XYLT2: variants seen among roughly 807,000 people sequenced by gnomAD.
The protein encoded by XYLT2 is xylosyltransferase 2.
XYLT2 carries 37 observed loss-of-function variants against 82.6 expected under a neutral mutation model. The observed-to-expected ratio is 0.45, with a 90% CI of 0.34 to 0.59. The LOEUF is 0.59. XYLT2 is among the 20% of genes least tolerant of loss of function. XYLT2 has a pLI of 0.01. For synonymous variants in XYLT2, 474 were observed against 499.0 expected, an observed-to-expected ratio of 0.95 and a Z score of 0.67; for missense variants, 934 against 1,181.3, an observed-to-expected ratio of 0.79 and a Z score of 3.07.
At chr17:50,357,486 C>A (rs1359602644) in intron 9 of XYLT2, 3 of 479,260 alleles carry the variant, frequency 6.3e-6, no homozygotes, top group African/African-American at 6.0e-5. Flanking sequence ...TTATCAGTTC[C>A]ACTACAACAC....
chr17:50,350,938 G>A (rs960805100), intron 1 of XYLT2, among the ~76,000 whole-genome samples: 21 of 152,066 alleles, frequency 1.4e-4, no homozygotes, highest in African/African-American at 4.1e-4. Context: ...TGCCAGGGGG[G>A]ATGAGGGGAC....
In XYLT2 at chr17:50,353,623, CTT is replaced by C; in HGVS notation, c.136-6_136-5del. On this transcript the variant is annotated splice_polypyrimidine_tract_variant and splice_region_variant and intron_variant, in intron 1 of 10. Coordinates refer to ENST00000017003, the MANE Select transcript of XYLT2 (RefSeq NM_022167.4). Reference sequence around the variant, plus strand: ...GCCCCAGTGATGTGTCTGCATCTCTCTTACAGAAAGGAAGGCAGAGGAAGCCA... The same window carrying C: ...GCCCCAGTGATGTGTCTGCATCTCTCACAGAAAGGAAGGCAGAGGAAGCCA... 6.4e-7 allele frequency: 1 copy of C among 1,559,796 alleles called. No homozygotes were observed. The highest frequency in any genetic ancestry group is 8.7e-7 in the Non-Finnish European group (1 of 1,151,540).
At chr17:50,347,831 G>A (rs1567803126) in intron 1 of XYLT2, among the ~76,000 whole-genome samples, 1 of 152,232 alleles carries the variant, frequency 6.6e-6, no homozygotes, top group African/African-American at 2.4e-5. Flanking sequence ...TGCATGGGAA[G>A]GTGAGTGCTG....
chr17:50,356,982 G>GA, intron 8 of XYLT2, 75 bp from the exon 9 acceptor site: 1 of 1,516,574 alleles, frequency 6.6e-7, no homozygotes, highest in East Asian at 2.3e-5. Flanking sequence ...GGACTCCCCA[G>GA]AGCCCCCTCC....
chr17:50,359,554 G>A (rs559737119), intron 10 of XYLT2: 6 of 167,154 alleles, frequency 3.6e-5, no homozygotes, highest in African/African-American at 7.1e-5. Flanking sequence ...CAGGGGCTGC[G>A]CCTCAAGGAC....
chr17:50,359,647 C>T (rs1008964575), intron 10 of XYLT2: 2 of 310,518 alleles, frequency 6.4e-6, no homozygotes, highest in African/African-American at 4.3e-5. Context: ...CGAGTACAGG[C>T]TTCTGAGGGC....
At chr17:50,354,306 C>G in intron 2 of XYLT2, 102 bp from the exon 3 acceptor site, 2 of 1,502,250 alleles carry the variant, frequency 1.3e-6, no homozygotes, top group Non-Finnish European at 1.8e-6. Context: ...CATGGAGCTC[C>G]AAGTCTAGGT....
intron 2 of XYLT2, 41 bp downstream of exon 2, chr17:50,354,163 A>AG (rs1468745710): frequency 1.3e-6 from 2 of 1,597,662 alleles, no homozygotes; most frequent in East Asian, 2.2e-5. Context: ...AGGCGGGGGC[A>AG]GGGGGGTGGC....
intron 7 of XYLT2, 96 bp from the exon 8 acceptor site, chr17:50,356,415 C>A: frequency 6.4e-7 from 1 of 1,555,404 alleles, no homozygotes; most frequent in Non-Finnish European, 8.7e-7. Flanking sequence ...GGAAAAGCCG[C>A]AGGAGGCTGA....
At chr17:50,356,841 A>G (rs1375928703) in intron 8 of XYLT2, 68 bp downstream of exon 8, 2 of 1,543,704 alleles carry the variant, frequency 1.3e-6, no homozygotes, top group Non-Finnish European at 1.7e-6. Flanking sequence ...CCAACCAGAG[A>G]GTGACGTCCC....
chr17:50,353,329 AAAGG>A (rs1484706025), intron 1 of XYLT2, among the ~76,000 whole-genome samples: 1 of 152,116 alleles, frequency 6.6e-6, no homozygotes, highest in African/African-American at 2.4e-5. Context: ...ATCTGCTGAA[AAAGG>A]AAGTGGTATC....
chr17:50,358,037 G>C, intron 9 of XYLT2, 170 bp from the exon 10 acceptor site: 1 of 628,514 alleles, frequency 1.6e-6, no homozygotes, highest in Non-Finnish European at 2.8e-6. Context: ...TCTCAGAGCT[G>C]GGAGAGATAT....
intron 9 of XYLT2, 85 bp from the exon 10 acceptor site, chr17:50,358,122 T>G: frequency 6.6e-5 from 84 of 1,267,442 alleles, no homozygotes; most frequent in Non-Finnish European, 8.1e-5. Context: ...GTGACTGGCC[T>G]GAGATTACAC....
chr17:50,356,268 G>T lies in XYLT2; in HGVS notation c.1482+7G>T, dbSNP rs545939700. The T allele has an allele frequency of 1.9e-6, 3 of 1,611,892 alleles. No individual in the cohort carries two copies. The African/African-American group carries it at 4.0e-5, about 21-fold the overall frequency. On this transcript the variant is annotated splice_region_variant and intron_variant, in intron 7 of 10. Transcript: ENST00000017003. ...GGACTTCCTCCGGCTGCAGGTGCTT[G>T]CCCGAGGCCCCAAGGCCCCTGGCTA...
intron 1 of XYLT2, among the ~76,000 whole-genome samples, chr17:50,349,440 C>G (rs1912165240): frequency 6.6e-6 from 1 of 152,234 alleles, no homozygotes; most frequent in South Asian, 2.1e-4. Context: ...CCAGCTCCCA[C>G]TGGCCACCTT....
chr17:50,360,954 C>T lies in XYLT2; in HGVS notation c.*663C>T. Reference sequence around the variant, plus strand: ...CTCCAGGGCTTTCCAGCATACCCTGCCCCTGGATGGGAAAGGCAGGGTCAG... The same window carrying T: ...CTCCAGGGCTTTCCAGCATACCCTGTCCCTGGATGGGAAAGGCAGGGTCAG... On this transcript the variant is annotated 3_prime_UTR_variant, in exon 11 of 11. Transcript: ENST00000017003. 2 of 985,906 alleles carry T rather than the reference C, an allele frequency of 2.0e-6. No individual in the cohort carries two copies. The highest frequency in any genetic ancestry group is 1.7e-5 in the African/African-American group (1 of 57,350). The allele number at this position is 985,906 out of a possible 1,614,324, so 61.1% of individuals were successfully genotyped here. A position where few individuals can be genotyped will look rare whatever the true frequency, so the allele number is the denominator to read the frequency against.
In XYLT2 at chr17:50,354,134, G is replaced by A. The variant is rs1443744951; in HGVS notation, c.628+12G>A. 3 of 1,601,134 alleles carry A rather than the reference G, an allele frequency of 1.9e-6. No individual in the cohort carries two copies. Among genetic ancestry groups the A allele is most frequent in the Non-Finnish European group, 2.5e-6 (3 of 1,179,884 alleles). The stretch of plus-strand genomic sequence containing the variant: ...CTGTCAGCTGACTGGTGAGGGACAG[G>A]GGTGCTCCAGCCCTTCCCAGGCGGG... On this transcript the variant is annotated intron_variant, in intron 2 of 10. Transcript: ENST00000017003.
At chr17:50,358,116 C>A in intron 9 of XYLT2, 91 bp from the exon 10 acceptor site, 2 of 1,211,420 alleles carry the variant, frequency 1.7e-6, no homozygotes, top group Non-Finnish European at 1.1e-6. Flanking sequence ...GAGACAGTGA[C>A]TGGCCTGAGA....
At position 50,360,019 on chromosome 17, in the gene XYLT2, CAG is replaced by C; in HGVS notation, c.2329_2330del (p.Ser777PhefsTer6). On this transcript the variant is annotated frameshift_variant, in exon 11 of 11. Coordinates refer to ENST00000017003, the MANE Select transcript of XYLT2 (RefSeq NM_022167.4). LOFTEE classifies it high-confidence loss of function. ...GCCACCCCACAACGAGTACATGGAG[CAG>C]AGTTTCCAGGGCCTGAGTAGCATCC... ...AGPPHNEYMEQSFQGLSSILN... is the reference protein window; with the variant it reads ...AGPPHNEYMEXSFQGLSSILN... The C allele has an allele frequency of 6.2e-7, 1 of 1,613,460 alleles. No individual in the cohort carries two copies. Among genetic ancestry groups the C allele is most frequent in the Admixed American group, 1.7e-5 (1 of 59,960 alleles).
Sources: allele counts gnomAD v4.1 joint callset (sites outside exome capture counted in the v4.1 genomes callset), GRCh38; gene constraint gnomAD v4.1.1; transcripts MANE v1.5; gene names NCBI Gene and HGNC (gene_info 2026-07-23, HGNC 2026-07-21).